Variants in PIWIL1 observed in about 807,000 individuals in gnomAD.
PIWIL1 encodes the protein piwi like RNA-mediated gene silencing 1.
Under a neutral mutation model 114.4 loss-of-function variants are expected in PIWIL1, and 73 were observed. That is an observed-to-expected ratio of 0.64 (90% CI 0.53 to 0.78). The LOEUF is 0.78. Among genes scored for constraint, PIWIL1 ranks in the 30% least tolerant of loss-of-function variants. The probability of loss-of-function intolerance (pLI) is 0.00; values close to 1 mark genes in which losing one functional copy is unlikely to be tolerated. For missense variants in PIWIL1, 723 were observed against 1,063.1 expected, an observed-to-expected ratio of 0.68 and a Z score of 4.45; for synonymous variants, 375 against 369.0, an observed-to-expected ratio of 1.02 and a Z score of -0.19.
chr12:130,361,415 A>T lies in PIWIL1; in HGVS notation c.1866+35A>T, dbSNP rs1192059640. On this transcript the variant is annotated intron_variant, in intron 15 of 20. Coordinates refer to ENST00000245255, the MANE Select transcript of PIWIL1 (RefSeq NM_004764.5). Reference sequence around the variant, plus strand: ...ATTTAATTGGTAGATGCCGTTTTAAAATTGGTATTTAAGAACATGGATTTA... The same window carrying T: ...ATTTAATTGGTAGATGCCGTTTTAATATTGGTATTTAAGAACATGGATTTA... The T allele has an allele frequency of 2.5e-6, 4 of 1,612,230 alleles. No homozygotes were observed. The South Asian group carries it at 4.4e-5, about 18-fold the overall frequency.
chr12:130,380,144 C>A, the PIWIL1 span, among the ~76,000 whole-genome samples: 46 of 87,716 alleles, frequency 5.2e-4, no homozygotes, highest in African/African-American at 5.5e-4. Context: ...CCTCATCCCA[C>A]TTCCCACCCA....
chr12:130,396,425 C>G, the PIWIL1 span: 1 of 152,646 alleles, frequency 6.6e-6, no homozygotes, highest in Non-Finnish European at 1.5e-5. Flanking sequence ...TCAAATACAT[C>G]TGCCAGCAAC....
At chr12:130,341,833 C>T (rs77684766) in intron 1 of PIWIL1, among the ~76,000 whole-genome samples, 6,347 of 152,224 alleles carry the variant, frequency 0.042, 238 homozygotes, top group South Asian at 0.18. Context: ...CAGCTGAGCC[C>T]AAAGCTGATC....
chr12:130,411,989 A>G, the PIWIL1 span, among the ~76,000 whole-genome samples: 1 of 152,162 alleles, frequency 6.6e-6, no homozygotes, highest in African/African-American at 2.4e-5. Context: ...AGCTTTTTAG[A>G]AAAAGCAGAG....
At chr12:130,408,725 GC>G in the PIWIL1 span, among the ~76,000 whole-genome samples, 4 of 152,220 alleles carry the variant, frequency 2.6e-5, no homozygotes, top group Non-Finnish European at 1.5e-5. Flanking sequence ...GCGAAAGTTG[GC>G]ATTTATGTGT....
chr12:130,357,008 A>C lies in PIWIL1; in HGVS notation c.1495A>C (p.Ile499Leu). 1 of 1,613,816 alleles carries C rather than the reference A, an allele frequency of 6.2e-7. No individual in the cohort carries two copies. Residue 499 changes from isoleucine (I) to leucine (L), a missense_variant, in exon 13 of 21, where the codon ATC becomes CTC. Physicochemically the swap from Ile to Leu is conservative, Grantham distance 5 (BLOSUM62 2). Coordinates refer to ENST00000245255, the MANE Select transcript of PIWIL1 (RefSeq NM_004764.5). ...TAAGCCACTAGATAACTGGCTGTTGATCTATACGCGAAGAAATTATGAAGC... is the reference window on the plus strand; with the variant it reads ...TAAGCCACTAGATAACTGGCTGTTGCTCTATACGCGAAGAAATTATGAAGC... Reference protein sequence around the residue: ...SVKPLDNWLLIYTRRNYEAAN... With the variant: ...SVKPLDNWLLLYTRRNYEAAN...
intron 6 of PIWIL1, 142 bp downstream of exon 6, chr12:130,347,204 T>C (rs1407313271): frequency 1.5e-6 from 1 of 649,698 alleles, no homozygotes; most frequent in African/African-American, 1.9e-5. Context: ...ACTTAAGGTG[T>C]GGTTTACTGA....
intron 9 of PIWIL1, among the ~76,000 whole-genome samples, chr12:130,351,943 C>T (rs1057268571): frequency 6.6e-6 from 1 of 152,142 alleles, no homozygotes; most frequent in Non-Finnish European, 1.5e-5. Flanking sequence ...GTGTGGTGAT[C>T]TTTCTCCATG....
rs550883502 is a variant in PIWIL1 at position 130,354,821 on chromosome 12, A to G, written c.1172-67A>G. The G allele has an allele frequency of 8.3e-5, 116 of 1,404,926 alleles. No homozygotes were observed. The African/African-American group carries it at 1.5e-3, about 18-fold the overall frequency. The allele number at this position is 1,404,926 out of a possible 1,614,324, so 87.0% of individuals were successfully genotyped here. A position where few individuals can be genotyped will look rare whatever the true frequency, so the allele number is the denominator to read the frequency against. On this transcript the variant is annotated intron_variant, in intron 10 of 20. Coordinates refer to ENST00000245255, the MANE Select transcript of PIWIL1 (RefSeq NM_004764.5). ...GGGAATTCCCACTCACCATCACCCT[A>G]TACTCCAGTTATTTAGACCTGATTA...
chr12:130,340,661 T>G (rs1231378667), intron 1 of PIWIL1, among the ~76,000 whole-genome samples: 194 of 97,416 alleles, frequency 2.0e-3, no homozygotes, highest in South Asian at 2.6e-3. Flanking sequence ...GGAGGGGGGT[T>G]GGTGGTGGTG....
chr12:130,393,647 G>A, the PIWIL1 span, among the ~76,000 whole-genome samples: 6 of 151,998 alleles, frequency 3.9e-5, no homozygotes, highest in East Asian at 1.9e-4. Context: ...TCACTAGACC[G>A]GTATTGGATT....
chr12:130,420,013 G>T, the PIWIL1 span, among the ~76,000 whole-genome samples: 2 of 152,162 alleles, frequency 1.3e-5, no homozygotes, highest in African/African-American at 2.4e-5. This position sits in a 1 kb window ranked among gnomAD's most constrained non-coding sequence, Gnocchi z 4.3. Context: ...ATGGTTTACA[G>T]ACTTAATTTC....
the PIWIL1 span, among the ~76,000 whole-genome samples, chr12:130,380,904 A>G: frequency 6.6e-6 from 1 of 152,218 alleles, no homozygotes. Flanking sequence ...GGCCCTAGGT[A>G]GAACTAAGAA....
chr12:130,396,007 T>C, the PIWIL1 span: 1 of 47,876 alleles, frequency 2.1e-5, no homozygotes, highest in Non-Finnish European at 5.6e-5. Flanking sequence ...ACCAAAATTA[T>C]TTTTGGAAAA....
rs750030305 is a variant in PIWIL1, at chr12:130,349,417, G to A, written c.913G>A (p.Gly305Ser). 6.2e-7 allele frequency: 1 copy of A among 1,607,654 alleles called. No individual in the cohort carries two copies. Among genetic ancestry groups the A allele is most frequent in the South Asian group, 1.1e-5 (1 of 90,806 alleles). ...FQEQVSKELI[G>S]LVVLTKYNNK... is the part of the protein sequence containing the mutation. ...AGAACAAGTTTCCAAAGAACTAATA[G>A]GTTTAGTTGTTCTTACCAAGTAAGA... Residue 305 changes from glycine to serine, a missense_variant, in exon 8 of 21, where the codon GGT (glycine) becomes AGT (serine). Physicochemically the swap from Gly to Ser is moderately conservative, Grantham distance 56 (BLOSUM62 0). Transcript: ENST00000245255.
chr12:130,380,438 A>G, the PIWIL1 span, among the ~76,000 whole-genome samples: 11 of 152,236 alleles, frequency 7.2e-5, no homozygotes, highest in Non-Finnish European at 1.5e-4. Context: ...GAAGTAAAGA[A>G]GGGGAAATTG....
rs569630554 is a variant in PIWIL1, at chr12:130,365,396, G to GT, written c.2196-1736dup. On this transcript the variant is annotated intron_variant, in intron 18 of 20. Transcript: ENST00000245255. Reference sequence around the variant, plus strand: ...CGTAATGGACTTCACACAGTATCCAGTAAGTATTCAATACATGGTAGATAG... The same window carrying GT: ...CGTAATGGACTTCACACAGTATCCAGTTAAGTATTCAATACATGGTAGATAG... Among the ~76,000 whole-genome samples, 83 of 152,312 alleles carry GT rather than the reference G, an allele frequency of 5.4e-4. 1 individual carries two copies. In the South Asian group the frequency reaches 0.011, roughly 21 times the overall value.
At chr12:130,366,209 T>C (rs1196878796) in intron 18 of PIWIL1, among the ~76,000 whole-genome samples, 1 of 152,214 alleles carries the variant, frequency 6.6e-6, no homozygotes, top group Non-Finnish European at 1.5e-5. Flanking sequence ...GCTGTTCTAA[T>C]TGCTACCTGT....
the PIWIL1 span, chr12:130,422,366 T>C: frequency 1.2e-6 from 1 of 832,188 alleles, no homozygotes; most frequent in South Asian, 1.8e-5. This position sits in a 1 kb window ranked among gnomAD's most constrained non-coding sequence, Gnocchi z 5.2. Flanking sequence ...AAAATGCTAC[T>C]CCTAAAGTTT....
Sources: gnomAD v4.1 joint callset for allele counts (sites outside exome capture counted in the v4.1 genomes callset) on GRCh38, gnomAD v4.1.1 for gene constraint, Gnocchi (gnomAD v3.1) non-coding constraint, MANE v1.5 for transcripts, NCBI Gene and HGNC (gene_info 2026-07-23, HGNC 2026-07-21) for gene names.